TJP2: variants seen among roughly 807,000 people sequenced by gnomAD.
TJP2 encodes the protein tight junction protein 2, also known as Friedreich ataxia region gene X104 (tight junction protein ZO-2).
TJP2 carries 91 observed loss-of-function variants against 133.1 expected under a neutral mutation model. The observed-to-expected ratio is 0.68, with a 90% confidence interval of 0.58 to 0.81. The LOEUF (loss-of-function observed/expected upper bound fraction) is 0.81, where lower values mean the gene tolerates loss of function less well. Ranked by LOEUF, TJP2 falls within the 40% of genes least tolerant of loss-of-function variation. The probability of loss-of-function intolerance (pLI) is 0.00; values close to 1 mark genes in which losing one functional copy is unlikely to be tolerated. For missense variants in TJP2, 1,541 were observed against 1,565.6 expected, an observed-to-expected ratio of 0.98 and a Z score of 0.26; for synonymous variants, 592 against 583.4, an observed-to-expected ratio of 1.01 and a Z score of -0.21.
At chr9:69,134,277 C>T (rs1041214830) in intron 1 of TJP2, among the ~76,000 whole-genome samples, 1 of 152,186 alleles carries the variant, frequency 6.6e-6, no homozygotes, top group Non-Finnish European at 1.5e-5. Flanking sequence ...GGTCTCTGCC[C>T]TCAGAGCAGA....
At chr9:69,247,957 C>T (rs1338346566) in intron 18 of TJP2, 55 bp from the exon 19 acceptor site, 6 of 1,491,180 alleles carry the variant, frequency 4.0e-6, no homozygotes, top group Non-Finnish European at 5.4e-6. Flanking sequence ...TCTTGAGTCC[C>T]CACTCCCAGG....
intron 22 of TJP2, chr9:69,253,107 C>T (rs1831460568): frequency 1.7e-6 from 1 of 600,450 alleles, no homozygotes; most frequent in Non-Finnish European, 3.0e-6. Context: ...TGCTAAAACT[C>T]TGACAAAGTG....
chr9:69,189,202 G>A (rs962076658), intron 1 of TJP2, among the ~76,000 whole-genome samples: 1 of 152,176 alleles, frequency 6.6e-6, no homozygotes. Flanking sequence ...AGATACTGCC[G>A]AGATGTTGGC....
chr9:69,137,283 C>T (rs1564372578), intron 1 of TJP2, among the ~76,000 whole-genome samples: 2 of 107,214 alleles, frequency 1.9e-5, no homozygotes, highest in East Asian at 2.9e-4. Context: ...TTCTTTCTTT[C>T]TTTCTTTCTT....
chr9:69,160,372 T>C (rs1214307638), intron 2 of TJP2, among the ~76,000 whole-genome samples: 1 of 152,258 alleles, frequency 6.6e-6, no homozygotes, highest in African/African-American at 2.4e-5. Context: ...TTCACTCTTG[T>C]GTTTAACCTG....
At chr9:69,176,530 G>A (rs1825105395) in intron 1 of TJP2, among the ~76,000 whole-genome samples, 1 of 152,232 alleles carries the variant, frequency 6.6e-6, no homozygotes, top group Non-Finnish European at 1.5e-5. Context: ...AATCCCTCAT[G>A]TATTAAATGA....
chr9:69,201,001 T>C (rs1016084879), intron 1 of TJP2, among the ~76,000 whole-genome samples: 2 of 152,190 alleles, frequency 1.3e-5, no homozygotes, highest in Non-Finnish European at 2.9e-5. Context: ...GCATCTGACA[T>C]GGCATAAGTA....
chr9:69,169,718 C>T (rs553675632), upstream of TJP2, among the ~76,000 whole-genome samples: 33 of 152,052 alleles, frequency 2.2e-4, no homozygotes, highest in East Asian at 3.3e-3. Context: ...TACTTTATAA[C>T]CATATTGCAG....
chr9:69,173,677 G>A (rs1824818577), upstream of TJP2, among the ~76,000 whole-genome samples: 1 of 152,190 alleles, frequency 6.6e-6, no homozygotes, highest in Non-Finnish European at 1.5e-5. Context: ...GGTTAGCCGG[G>A]CAGGCCTCTA....
At chr9:69,240,836 A>G (rs1292614897) in intron 17 of TJP2, among the ~76,000 whole-genome samples, 2 of 151,802 alleles carry the variant, frequency 1.3e-5, no homozygotes, top group Admixed American at 6.6e-5. Context: ...AAACTTGGAC[A>G]CTCTGAATAT....
intron 11 of TJP2, among the ~76,000 whole-genome samples, chr9:69,231,321 C>G (rs190081509): frequency 6.6e-6 from 1 of 152,136 alleles, no homozygotes; most frequent in Non-Finnish European, 1.5e-5. Context: ...TGGTCTCGAG[C>G]TCCTGAGCTC....
At chr9:69,224,222 C>CA (rs1829142144) in intron 5 of TJP2, among the ~76,000 whole-genome samples, 1 of 152,090 alleles carries the variant, frequency 6.6e-6, no homozygotes, top group Non-Finnish European at 1.5e-5. Flanking sequence ...ACTTCTTTAC[C>CA]CCTTTTCTTC....
rs888323504 is a variant in TJP2 at position 69,218,141 on chromosome 9, T to C, written c.240-116T>C. On this transcript the variant is annotated intron_variant, in intron 3 of 22. Transcript: ENST00000377245. ...CTGGGCCTTGGGCGCCACTAGACACTGAGCCCTTTAGAAAGCCTTTCAGGT... is the reference window on the plus strand; with the variant it reads ...CTGGGCCTTGGGCGCCACTAGACACCGAGCCCTTTAGAAAGCCTTTCAGGT... 5 of 860,172 alleles carry C rather than the reference T, an allele frequency of 5.8e-6. No homozygotes were observed. The African/African-American group carries it at 6.7e-5, about 12-fold the overall frequency. 53.3% of individuals were successfully genotyped at this position (860,172 alleles called of 1,614,324 possible). A position where few individuals can be genotyped will look rare whatever the true frequency, so the allele number is the denominator to read the frequency against.
rs768925264 is a variant in TJP2, at chr9:69,227,780, A to G, written c.1226A>G (p.Glu409Gly). The change falls in exon 8 of 23, where the codon GAG (glutamate) becomes GGG (glycine). Residue 409 changes from glutamate to glycine, a missense_variant. Coordinates refer to ENST00000377245, the MANE Select transcript of TJP2 (RefSeq NM_004817.4). ...TTGAAACTAGATATTTCAGAAATAG[A>G]GTCAAACCGATCATTTTCTCCAGAG... The part of the protein sequence containing the change: ...DSEIEDISEI[E>G]SNRSFSPEER... 1 of 1,607,938 alleles carries G rather than the reference A, an allele frequency of 6.2e-7. No individual in the cohort carries two copies. The highest frequency in any genetic ancestry group is 1.7e-5 in the Admixed American group (1 of 60,014).
At chr9:69,144,478 A>G (rs142915794) in intron 1 of TJP2, among the ~76,000 whole-genome samples, 15 of 152,294 alleles carry the variant, frequency 9.8e-5, no homozygotes, top group African/African-American at 3.6e-4. Flanking sequence ...TGACTCTTGT[A>G]TGTTGCCATA....
chr9:69,154,407 T>C (rs4745646), intron 2 of TJP2, among the ~76,000 whole-genome samples: 126,373 of 152,212 alleles, frequency 0.83, 52,554 homozygotes, highest in Admixed American at 0.85. Context: ...CTCATTCTGC[T>C]CTCCTCTGCC....
rs1379554397 is a variant in TJP2, at chr9:69,213,870, C to T, written c.114+1269C>T. ...ACCAGGTGCCGGCTGGTGGTGCTGC[C>T]AAATTCAAAGCCATGTGATTAATAG... On this transcript the variant is annotated intron_variant, in intron 2 of 22. Transcript: ENST00000377245. Among the ~76,000 whole-genome samples the T allele has an allele frequency of 2.0e-5, 3 of 152,108 alleles. No individual in the cohort carries two copies. The East Asian group carries it at 5.8e-4, about 29-fold the overall frequency.
Position 69,229,116 on chromosome 9 carries a change from AT to A in TJP2, c.1454-63del, listed in dbSNP as rs1284786238. 75 of 1,463,464 alleles carry A rather than the reference AT, an allele frequency of 5.1e-5. No individual in the cohort carries two copies. In the East Asian group the frequency reaches 1.5e-3, roughly 29 times the overall value. The allele number at this position is 1,463,464 out of a possible 1,614,324, so 90.7% of individuals were successfully genotyped here. A position where few individuals can be genotyped will look rare whatever the true frequency, so the allele number is the denominator to read the frequency against. ...ACTTACATTTTTTGTGGATTTTGTG[AT>A]TTTTCTATTTAGAAACGCACTCTTG... On this transcript the variant is annotated intron_variant, in intron 9 of 22. Transcript: ENST00000377245.
chr9:69,137,849 T>G (rs920219756), intron 1 of TJP2, among the ~76,000 whole-genome samples: 1 of 152,166 alleles, frequency 6.6e-6, no homozygotes, highest in East Asian at 1.9e-4. Context: ...CAGGCTCCAT[T>G]TCTTTCTCGT....
Sources: gnomAD v4.1 joint callset for allele counts (sites outside exome capture counted in the v4.1 genomes callset) on GRCh38, gnomAD v4.1.1 for gene constraint, MANE v1.5 for transcripts, NCBI Gene and HGNC (gene_info 2026-07-23, HGNC 2026-07-21) for gene names.